The following AFF3 variants were observed in gnomAD, a reference collection of about 807,000 sequenced individuals.
AFF3 encodes ALF transcription elongation factor 3, also known as AF4/FMR2 family member 3.
A neutral mutation model predicts 129.7 loss-of-function variants in AFF3; 32 were observed. The ratio of observed to expected loss-of-function variants is 0.25; its 90% confidence interval spans 0.19 to 0.33. AFF3 has a LOEUF of 0.33. Ranked by LOEUF, AFF3 falls within the 10% of genes least tolerant of loss-of-function variation. The pLI is 1.00. For synonymous variants in AFF3, 644 were observed against 635.4 expected, an observed-to-expected ratio of 1.01 and a Z score of -0.20; for missense variants, 1,373 against 1,592.0, an observed-to-expected ratio of 0.86 and a Z score of 2.34.
chr2:100,087,737 A>C (rs1270053322), intron 4 of AFF3, among the ~76,000 whole-genome samples: 1 of 152,058 alleles, frequency 6.6e-6, no homozygotes, highest in Non-Finnish European at 1.5e-5. Flanking sequence ...GTCATTCAAC[A>C]AAATACTAGC....
At chr2:99,869,880 G>A (rs1471782309) in intron 7 of AFF3, among the ~76,000 whole-genome samples, 7 of 152,176 alleles carry the variant, frequency 4.6e-5, no homozygotes, top group African/African-American at 1.7e-4. Flanking sequence ...TGAAAGCTCA[G>A]AAAGAATAGG....
At chr2:99,835,008 A>G (rs1248760546) in intron 8 of AFF3, among the ~76,000 whole-genome samples, 1 of 152,142 alleles carries the variant, frequency 6.6e-6, no homozygotes. Context: ...AATGTCCCAA[A>G]GGCACGCCAA....
chr2:100,112,791 G>C (rs1357753209), intron 2 of AFF3, among the ~76,000 whole-genome samples: 1 of 150,396 alleles, frequency 6.6e-6, no homozygotes. Flanking sequence ...GCTCTGATTA[G>C]AGCTACAGGC....
chr2:99,940,268 T>G (rs1047124502), intron 7 of AFF3, among the ~76,000 whole-genome samples: 1 of 152,186 alleles, frequency 6.6e-6, no homozygotes, highest in Non-Finnish European at 1.5e-5. Context: ...CTGAAATGGA[T>G]AGAATATTCC....
chr2:99,852,959 A>G (rs897120196), intron 7 of AFF3, among the ~76,000 whole-genome samples: 1 of 152,244 alleles, frequency 6.6e-6, no homozygotes, highest in East Asian at 1.9e-4. Flanking sequence ...GAACCTATTT[A>G]TAGCTTTATC....
chr2:99,865,103 G>A (rs1235289339), intron 7 of AFF3, among the ~76,000 whole-genome samples: 1 of 152,214 alleles, frequency 6.6e-6, no homozygotes, highest in African/African-American at 2.4e-5. Flanking sequence ...AACATGTGGT[G>A]GTTGGATGGA....
intron 11 of AFF3, among the ~76,000 whole-genome samples, chr2:99,721,527 CA>C (rs60993398): frequency 7.4e-5 from 10 of 134,384 alleles, no homozygotes; most frequent in Non-Finnish European, 4.8e-5. Context: ...GACTCTGTCT[CA>C]AAAAAAAAAA....
chr2:99,932,638 T>C (rs765214889), intron 7 of AFF3, among the ~76,000 whole-genome samples: 4 of 152,178 alleles, frequency 2.6e-5, no homozygotes, highest in African/African-American at 4.8e-5. Context: ...ACACACTCCA[T>C]TGCAATTTTG....
At chr2:99,597,984 C>T (rs1002690026) in intron 14 of AFF3, among the ~76,000 whole-genome samples, 2 of 152,188 alleles carry the variant, frequency 1.3e-5, no homozygotes, top group African/African-American at 4.8e-5. Context: ...GTTGAGTCAG[C>T]GAGCAACTTG....
chr2:99,698,049 T>C (rs182752969), intron 11 of AFF3, among the ~76,000 whole-genome samples: 3 of 152,266 alleles, frequency 2.0e-5, no homozygotes, highest in Admixed American at 2.0e-4. Context: ...GTGTGTATCA[T>C]CTGTAGAATT....
intron 15 of AFF3, among the ~76,000 whole-genome samples, chr2:99,592,941 C>A (rs199567173): frequency 1.4e-4 from 13 of 93,562 alleles, no homozygotes; most frequent in African/African-American, 4.8e-4. Flanking sequence ...CTCCCCCCCC[C>A]CCAAAAAAAG....
At chr2:99,753,195 G>T (rs1360810659) in intron 8 of AFF3, among the ~76,000 whole-genome samples, 16 of 152,090 alleles carry the variant, frequency 1.1e-4, no homozygotes, top group Admixed American at 1.0e-3. Context: ...TGCCTCCCAG[G>T]TTCAAGTGAT....
intron 4 of AFF3, among the ~76,000 whole-genome samples, chr2:100,064,596 T>A (rs1687568075): frequency 6.6e-6 from 1 of 152,224 alleles, no homozygotes; most frequent in African/African-American, 2.4e-5. Context: ...AACAAAAAGC[T>A]TGTGATAAAT....
intron 4 of AFF3, among the ~76,000 whole-genome samples, chr2:100,018,259 GGTAA>G (rs1683299405): frequency 6.6e-6 from 1 of 152,066 alleles, no homozygotes; most frequent in East Asian, 1.9e-4. Context: ...AGAATGCCAT[GGTAA>G]GTTCATTTTA....
At chr2:99,954,268 C>T (rs1249589081) in intron 7 of AFF3, among the ~76,000 whole-genome samples, 3 of 151,446 alleles carry the variant, frequency 2.0e-5, no homozygotes, top group African/African-American at 4.9e-5. Context: ...GATAATTATA[C>T]ATAGAAGGCA....
At chr2:99,778,216 C>T (rs572906730) in intron 8 of AFF3, among the ~76,000 whole-genome samples, 1 of 152,266 alleles carries the variant, frequency 6.6e-6, no homozygotes, top group South Asian at 2.1e-4. Flanking sequence ...CCTCCTCCTT[C>T]CTCTGGTCTC....
chr2:99,901,850 C>T (rs1694363466), intron 7 of AFF3, among the ~76,000 whole-genome samples: 1 of 48,640 alleles, frequency 2.1e-5, no homozygotes, highest in South Asian at 5.9e-4. Context: ...ATAGCTGTGC[C>T]CCCCAGAGCA....
intron 13 of AFF3, among the ~76,000 whole-genome samples, chr2:99,626,212 T>C (rs1682524458): frequency 6.6e-6 from 1 of 152,202 alleles, no homozygotes; most frequent in African/African-American, 2.4e-5. Flanking sequence ...GAACACAGTA[T>C]CTGCAAACCT....
At chr2:100,038,606 T>A (rs1685168778) in intron 4 of AFF3, among the ~76,000 whole-genome samples, 1 of 152,118 alleles carries the variant, frequency 6.6e-6, no homozygotes, top group African/African-American at 2.4e-5. Flanking sequence ...AATCTCCCCA[T>A]GATGTTACCT....
Sources: gnomAD v4.1 joint callset for allele counts (sites outside exome capture counted in the v4.1 genomes callset) on GRCh38, gnomAD v4.1.1 for gene constraint, MANE v1.5 for transcripts, NCBI Gene and HGNC (gene_info 2026-07-23, HGNC 2026-07-21) for gene names.